Variants in JADE3 observed in about 807,000 individuals in gnomAD.
JADE3 encodes the protein protein Jade-3.
JADE3 carries 2 observed loss-of-function variants against 50.1 expected under a neutral mutation model. That is an observed-to-expected ratio of 0.04 (90% CI 0.02 to 0.13). The LOEUF (loss-of-function observed/expected upper bound fraction) is 0.13. Ranked by LOEUF, JADE3 falls within the 10% of genes least tolerant of loss-of-function variation. JADE3 has a pLI of 1.00. For synonymous variants in JADE3, 218 were observed against 232.9 expected, an observed-to-expected ratio of 0.94 and a Z score of 0.58; for missense variants, 475 against 634.4, an observed-to-expected ratio of 0.75 and a Z score of 2.70.
intron 4 of JADE3, among the ~76,000 whole-genome samples, chrX:47,009,184 A>G (rs186508641): frequency 4.1e-4 from 45 of 110,940 alleles, no homozygotes; most frequent in African/African-American, 1.2e-3. Flanking sequence ...TTAGCTGGGC[A>G]TGGTGGCATG....
chrX:46,986,509 G>A (rs1158967469), intron 3 of JADE3, among the ~76,000 whole-genome samples: 1 of 112,623 alleles, frequency 8.9e-6, no homozygotes, highest in Non-Finnish European at 1.9e-5. Flanking sequence ...GGAAGTCAAA[G>A]AGAGCCAGAC....
intron 4 of JADE3, among the ~76,000 whole-genome samples, chrX:47,002,197 CA>C (rs1210217945): frequency 9.0e-6 from 1 of 110,702 alleles, no homozygotes; most frequent in Non-Finnish European, 1.9e-5. Flanking sequence ...CTCTATGTCT[CA>C]AAAATATTCT....
At chrX:47,027,487 A>G (rs781855349) in intron 5 of JADE3, among the ~76,000 whole-genome samples, 2 of 112,061 alleles carry the variant, frequency 1.8e-5, no homozygotes, top group East Asian at 5.6e-4. Flanking sequence ...ATGAATTATT[A>G]TATCCAAATA....
At chrX:47,050,753 A>G (rs1180321348) in intron 8 of JADE3, among the ~76,000 whole-genome samples, 1 of 111,203 alleles carries the variant, frequency 9.0e-6, no homozygotes, top group Non-Finnish European at 1.9e-5. Context: ...GCTTCCCAAT[A>G]ATAGTAGTTT....
At chrX:47,014,859 G>A (rs1053441560) in intron 4 of JADE3, among the ~76,000 whole-genome samples, 14 of 111,922 alleles carry the variant, frequency 1.3e-4, no homozygotes, top group African/African-American at 4.5e-4. Flanking sequence ...AAATAAAAAT[G>A]TTCTCTTCCA....
At chrX:46,997,232 G>A (rs932008347) in intron 3 of JADE3, among the ~76,000 whole-genome samples, 1 of 111,612 alleles carries the variant, frequency 9.0e-6, no homozygotes, top group African/African-American at 3.3e-5. Flanking sequence ...GCCAGGCACC[G>A]TGCCTCACGC....
At chrX:47,011,458 GT>G (rs1301492364) in intron 4 of JADE3, among the ~76,000 whole-genome samples, 1 of 110,529 alleles carries the variant, frequency 9.0e-6, no homozygotes, top group African/African-American at 3.3e-5. Context: ...TCCTCATACA[GT>G]TTTTTTTTAA....
chrX:47,033,909 A>C, intron 7 of JADE3, 121 bp downstream of exon 7: 2 of 578,149 alleles, frequency 3.5e-6, no homozygotes, highest in Non-Finnish European at 5.2e-6. Flanking sequence ...TTCTGAAGTA[A>C]TAGTACTTCC....
intron 1 of JADE3, among the ~76,000 whole-genome samples, chrX:46,925,822 TAAA>T (rs35435904): frequency 5.0e-5 from 4 of 79,572 alleles, no homozygotes; most frequent in Non-Finnish European, 7.3e-5. Context: ...AGACTCCGTC[TAAA>T]AAAAAAAAAA....
intron 1 of JADE3, among the ~76,000 whole-genome samples, chrX:46,913,480 T>TG (rs1556335629): frequency 1.8e-5 from 2 of 111,991 alleles, no homozygotes; most frequent in Non-Finnish European, 1.9e-5. Flanking sequence ...TTCCCACCGC[T>TG]GGGCACGGCA....
intron 1 of JADE3, among the ~76,000 whole-genome samples, chrX:46,932,514 A>G (rs1926519239): frequency 8.9e-6 from 1 of 112,426 alleles, no homozygotes; most frequent in South Asian, 3.6e-4. Context: ...TTAGTTCCCT[A>G]ATAAGTTAAA....
intron 4 of JADE3, among the ~76,000 whole-genome samples, chrX:47,000,240 A>G (rs186183685): frequency 1.8e-5 from 2 of 111,600 alleles, no homozygotes; most frequent in African/African-American, 6.5e-5. Context: ...GAGTAGCATC[A>G]TGAATGAACA....
At chrX:47,004,387 C>T (rs1556359872) in intron 4 of JADE3, among the ~76,000 whole-genome samples, 1 of 112,217 alleles carries the variant, frequency 8.9e-6, no homozygotes, top group East Asian at 2.8e-4. Flanking sequence ...ACACTCCAGA[C>T]CTGGAGGCTT....
intron 3 of JADE3, among the ~76,000 whole-genome samples, chrX:46,986,744 T>C (rs1190885951): frequency 1.8e-5 from 2 of 111,889 alleles, no homozygotes; most frequent in Non-Finnish European, 3.8e-5. Flanking sequence ...GCTGGTCATC[T>C]TTTCCACAAA....
intron 1 of JADE3, among the ~76,000 whole-genome samples, chrX:46,929,158 A>G (rs530380810): frequency 1.3e-4 from 14 of 111,492 alleles, no homozygotes; most frequent in Non-Finnish European, 2.4e-4. Flanking sequence ...TGTTAACACC[A>G]GGAATTTTGT....
At chrX:47,041,503 G>A (rs1186794592) in intron 8 of JADE3, among the ~76,000 whole-genome samples, 1 of 109,134 alleles carries the variant, frequency 9.2e-6, no homozygotes, top group African/African-American at 3.3e-5. Flanking sequence ...TGATCCTCCC[G>A]AGTAGCTGAT....
intron 1 of JADE3, 43 bp from the exon 2 acceptor site, chrX:46,984,841 G>GGT: frequency 2.9e-6 from 3 of 1,029,344 alleles, no homozygotes; most frequent in Non-Finnish European, 4.1e-6. Context: ...CTCTGGGATG[G>GGT]GTGTGTGTGA....
intron 1 of JADE3, among the ~76,000 whole-genome samples, chrX:46,978,182 C>T (rs373163405): frequency 9.8e-5 from 11 of 111,772 alleles, no homozygotes; most frequent in African/African-American, 2.9e-4. Context: ...ACATAAAATG[C>T]ACTAACACCT....
chrX:46,916,735 G>C lies in JADE3; in HGVS notation c.-12+4016G>C, dbSNP rs1556336415. ...TGTATTAAATACCTTCTGTTTGCTA[G>C]GGGTATAAGAGGTGAAAGATACCCC... On this transcript the variant is annotated intron_variant, in intron 1 of 10. Transcript: ENST00000614628. Among the ~76,000 whole-genome samples, 4 of 111,733 alleles carry C rather than the reference G, an allele frequency of 3.6e-5. No homozygotes were observed. The Admixed American group carries it at 3.8e-4, about 11-fold the overall frequency.
Sources: gnomAD v4.1 joint callset for allele counts (sites outside exome capture counted in the v4.1 genomes callset) on GRCh38, gnomAD v4.1.1 for gene constraint, MANE v1.5 for transcripts, NCBI Gene and HGNC (gene_info 2026-07-23, HGNC 2026-07-21) for gene names.